Variants in CFAP251 observed in about 807,000 individuals in gnomAD.
The protein encoded by CFAP251 is cilia and flagella associated protein 251, also known as cilia- and flagella-associated protein 251.
A neutral mutation model predicts 126.7 loss-of-function variants in CFAP251; 93 were observed. The observed-to-expected ratio is 0.73, with a 90% CI of 0.62 to 0.87. The LOEUF (loss-of-function observed/expected upper bound fraction) is 0.87. Among genes scored for constraint, CFAP251 ranks in the 40% least tolerant of loss-of-function variants. The pLI, the probability that CFAP251 is intolerant of heterozygous loss-of-function variation, is 0.00. For missense variants in CFAP251, 1,287 were observed against 1,389.2 expected (o/e 0.93, Z 1.17); for synonymous variants, 503 against 506.9 (o/e 0.99, Z 0.10).
intron 17 of CFAP251, among the ~76,000 whole-genome samples, chr12:121,973,799 G>A (rs1882392953): frequency 6.6e-6 from 1 of 152,282 alleles, no homozygotes; most frequent in East Asian, 1.9e-4. Context: ...CCCAATTTTG[G>A]TACCTCCATT....
chr12:121,919,492 G>A (rs1290468041), intron 1 of CFAP251, among the ~76,000 whole-genome samples: 1 of 152,128 alleles, frequency 6.6e-6, no homozygotes, highest in Non-Finnish European at 1.5e-5. Flanking sequence ...CAAGCTGTAT[G>A]TGCCAGAATT....
At chr12:121,945,088 C>T (rs1037951123) in intron 7 of CFAP251, among the ~76,000 whole-genome samples, 3 of 151,886 alleles carry the variant, frequency 2.0e-5, no homozygotes, top group African/African-American at 7.3e-5. Flanking sequence ...TGGCCCTCTT[C>T]TTCTTTTTGC....
chr12:121,967,944 GCCAGGCC>G lies in CFAP251; in HGVS notation c.2608-61_2608-55del. ...AGATCTGGAGGTGACATGTGAACGT[GCCAGGCC>G]TCTCTCGGGCCCAGCTACCTGAGTC... On this transcript the variant is annotated intron_variant, in intron 16 of 21. Coordinates refer to ENST00000288912, the MANE Select transcript of CFAP251 (RefSeq NM_144668.6). 26 of 1,476,662 alleles carry G rather than the reference GCCAGGCC, an allele frequency of 1.8e-5. No homozygotes were observed. The Middle Eastern group carries it at 4.3e-3, about 242-fold the overall frequency. The allele number at this position is 1,476,662 out of a possible 1,614,324, so 91.5% of individuals were successfully genotyped here.
At position 121,942,738 on chromosome 12, in the gene CFAP251, GATGTCTGTGAT is replaced by G; in HGVS notation, c.1110+96_1110+106del. 5.7e-6 allele frequency: 7 copies of G among 1,236,528 alleles called. No homozygotes were observed. In the South Asian group the frequency reaches 8.0e-5, roughly 14 times the overall value. The allele number at this position is 1,236,528 out of a possible 1,614,324, so 76.6% of individuals were successfully genotyped here. A position where few individuals can be genotyped will look rare whatever the true frequency, so the allele number is the denominator to read the frequency against. The stretch of plus-strand genomic sequence containing the variant: ...CAGCTCTGTTCAGGCTGGGCTGTGT[GATGTCTGTGAT>G]ATTCTCAAAAGACCAGACTCCACAG... On this transcript the variant is annotated intron_variant, in intron 6 of 21. Transcript: ENST00000288912.
intron 14 of CFAP251, 52 bp downstream of exon 14, chr12:121,960,810 T>G (rs1464707788): frequency 6.3e-7 from 1 of 1,593,392 alleles, no homozygotes. Flanking sequence ...GTCTCACTCT[T>G]GTGACATCCC....
At position 121,942,572 on chromosome 12, in the gene CFAP251, G is replaced by C. The variant is rs1881163942; in HGVS notation, c.1037G>C (p.Gly346Ala). 6.2e-7 allele frequency: 1 copy of C among 1,613,868 alleles called. No homozygotes were observed. Among genetic ancestry groups the C allele is most frequent in the South Asian group, 1.1e-5 (1 of 91,074 alleles). ...ACAATATTTGACAGCTGCCCTGAAG[G>C]GAATGGCATCATGGCCATGGCCATG... ...VHTIFDSCPE[G>A]NGIMAMAMTH... Residue 346 changes from glycine to alanine, a missense_variant, in exon 6 of 22, where the codon GGG (glycine) becomes GCG (alanine). Transcript: ENST00000288912.
rs563731680 is a variant in CFAP251 at position 121,989,810 on chromosome 12, G to A, written c.3007-9906G>A. On this transcript the variant is annotated intron_variant, in intron 19 of 21. Coordinates refer to ENST00000288912, the MANE Select transcript of CFAP251 (RefSeq NM_144668.6). The surrounding 1 kb of genome is among the most constrained non-coding windows in gnomAD (Gnocchi z 4.2). Reference sequence around the variant, plus strand: ...ACCAGGAGCCTGCTTATAAAAACAAGGAATGGCCCCAGTTCAAATATATCG... The same window carrying A: ...ACCAGGAGCCTGCTTATAAAAACAAAGAATGGCCCCAGTTCAAATATATCG... 1.5e-4 allele frequency among the ~76,000 whole-genome samples: 23 copies of A among 152,180 alleles called. No individual in the cohort carries two copies. The highest frequency in any genetic ancestry group is 2.1e-4 in the Non-Finnish European group (14 of 68,030).
intron 19 of CFAP251, among the ~76,000 whole-genome samples, chr12:121,990,318 C>A (rs1458465698): frequency 6.6e-6 from 1 of 152,168 alleles, no homozygotes; most frequent in Non-Finnish European, 1.5e-5. Context: ...CCGGGGCACC[C>A]TTCAGGCCTA....
intron 19 of CFAP251, among the ~76,000 whole-genome samples, chr12:121,980,689 T>C (rs1387739772): frequency 6.6e-6 from 1 of 152,184 alleles, no homozygotes; most frequent in Non-Finnish European, 1.5e-5. Context: ...TTGCCTCAGA[T>C]GTCTCACTGT....
At chr12:121,975,973 C>A (rs1186164781) in intron 19 of CFAP251, among the ~76,000 whole-genome samples, 14 of 151,792 alleles carry the variant, frequency 9.2e-5, no homozygotes, top group Admixed American at 9.2e-4. Context: ...TCAGCCCTGA[C>A]CCTTGCTAGG....
In CFAP251 at chr12:121,975,621, A is replaced by G. The variant is rs1882438451; in HGVS notation, c.2942A>G (p.His981Arg). The change falls in exon 19 of 22, where the codon CAC becomes CGC. Residue 981 changes from histidine (H) to arginine (R), a missense_variant. Physicochemically the swap from His to Arg is conservative, Grantham distance 29. Transcript: ENST00000288912. ...DTMETRKVSE[H>R]ICLSELPFVM... ...ATGGAGACCAGAAAGGTGTCAGAAC[A>G]CATTTGCCTGTCAGAGCTTCCTTTT... The G allele has an allele frequency of 6.2e-7, 1 of 1,602,530 alleles. No individual in the cohort carries two copies. The highest frequency in any genetic ancestry group is 8.5e-7 in the Non-Finnish European group (1 of 1,176,870).
Position 121,924,072 on chromosome 12 carries a change from A to G in CFAP251, c.747+82A>G, listed in dbSNP as rs1592959970. 8.4e-6 allele frequency: 12 copies of G among 1,434,374 alleles called. No individual in the cohort carries two copies. The East Asian group carries it at 2.5e-4, about 30-fold the overall frequency. The allele number at this position is 1,434,374 out of a possible 1,614,324, so 88.9% of individuals were successfully genotyped here. ...GGAATTTTATGCATGTTGGGGGAAA[A>G]AGAATACCACCAGAAGGATACTTTT... On this transcript the variant is annotated intron_variant, in intron 3 of 21. Coordinates refer to ENST00000288912, the MANE Select transcript of CFAP251 (RefSeq NM_144668.6).
Position 121,967,021 on chromosome 12 carries a change from C to T in CFAP251, c.2559C>T (p.Ser853=), listed in dbSNP as rs1208046760. ...IEQTQVLPVR[S]MAELQKRYLV... is the part of the protein sequence containing the mutation. ...AGACACAAGTCCTCCCAGTGAGAAG[C>T]ATGGCGGAGCTACAGAAACGCTACT... Residue 853 remains serine (S), a synonymous_variant, in exon 16 of 22, where the codon AGC becomes AGT. Coordinates refer to ENST00000288912, the MANE Select transcript of CFAP251 (RefSeq NM_144668.6). 8.1e-6 allele frequency: 13 copies of T among 1,614,098 alleles called. No homozygotes were observed. Among genetic ancestry groups the T allele is most frequent in the Non-Finnish European group, 1.1e-5 (13 of 1,180,046 alleles).
intron 8 of CFAP251, 158 bp from the exon 9 acceptor site, chr12:121,951,322 G>A: frequency 2.2e-6 from 1 of 464,882 alleles, no homozygotes; most frequent in East Asian, 3.0e-5. Context: ...CTTTCAGAAT[G>A]TTTTTAGATA....
chr12:121,924,194 C>T (rs1043605565), intron 3 of CFAP251, among the ~76,000 whole-genome samples: 1 of 152,038 alleles, frequency 6.6e-6, no homozygotes, highest in African/African-American at 2.4e-5. Context: ...ACTGCAGCCT[C>T]CACCTCCCAG....
intron 11 of CFAP251, 109 bp from the exon 12 acceptor site, chr12:121,958,163 A>G (rs1565912824): frequency 1.5e-5 from 22 of 1,467,280 alleles, no homozygotes; most frequent in Non-Finnish European, 1.9e-5. Flanking sequence ...TAATAATGTC[A>G]CTAAATTACA....
chr12:121,972,849 G>C (rs1015493632), intron 17 of CFAP251, among the ~76,000 whole-genome samples: 1 of 152,130 alleles, frequency 6.6e-6, no homozygotes, highest in Non-Finnish European at 1.5e-5. Context: ...GCTGTTAAAG[G>C]CATTCAGTTT....
At chr12:121,982,698 C>T (rs986472302) in intron 19 of CFAP251, among the ~76,000 whole-genome samples, 2 of 152,110 alleles carry the variant, frequency 1.3e-5, no homozygotes, top group African/African-American at 2.4e-5. Flanking sequence ...AGTTTAATCC[C>T]TGGGCTGTCC....
intron 16 of CFAP251, among the ~76,000 whole-genome samples, chr12:121,967,562 C>G (rs1026732209): frequency 1.3e-5 from 2 of 151,996 alleles, no homozygotes; most frequent in Non-Finnish European, 2.9e-5. Flanking sequence ...ATGAGCCGGG[C>G]GTGGTGGTGG....
Sources: gnomAD v4.1 joint callset for allele counts (sites outside exome capture counted in the v4.1 genomes callset) on GRCh38, gnomAD v4.1.1 for gene constraint, Gnocchi (gnomAD v3.1) non-coding constraint, MANE v1.5 for transcripts, NCBI Gene and HGNC (gene_info 2026-07-23, HGNC 2026-07-21) for gene names.